Variants in AMZ2 observed in about 807,000 individuals in gnomAD.
AMZ2 encodes archaemetzincin-2.
In AMZ2, 26 loss-of-function variants were observed where a neutral mutation model predicts 36.7. That is an observed-to-expected ratio of 0.71 (90% confidence interval 0.52 to 0.98). AMZ2 has a LOEUF of 0.98. Ranked by LOEUF, AMZ2 falls within the 50% of genes least tolerant of loss-of-function variation. The pLI, the probability that AMZ2 is intolerant of heterozygous loss-of-function variation, is 0.00. For missense variants in AMZ2, 394 were observed against 430.5 expected, an observed-to-expected ratio of 0.92 and a Z score of 0.75; for synonymous variants, 144 against 149.1, an observed-to-expected ratio of 0.97 and a Z score of 0.25.
chr17:68,227,580 C>T (rs9914852), intron 1 of AMZ2, among the ~76,000 whole-genome samples: 53,998 of 152,044 alleles, frequency 0.36, 10,704 homozygotes, highest in African/African-American at 0.54. Flanking sequence ...GGTGGCCAGC[C>T]GCATTCCTTG....
rs1416310587 is a variant in AMZ2 at position 68,248,126 on chromosome 17, G to C, written c.-580G>C. 4.1e-6 allele frequency: 4 copies of C among 986,414 alleles called. No homozygotes were observed. Among genetic ancestry groups the C allele is most frequent in the African/African-American group, 3.5e-5 (2 of 57,268 alleles). 61.1% of individuals were successfully genotyped at this position (986,414 alleles called of 1,614,324 possible). On this transcript the variant is annotated 5_prime_UTR_variant, in exon 1 of 7. Transcript: ENST00000359904. ...GGCCTGTCGGGTCAGGGCGGTTCGC[G>C]GGTGCTGTCAGAGCTGGGCCGGGGC...
intron 1 of AMZ2, among the ~76,000 whole-genome samples, chr17:68,233,591 C>T (rs782362804): frequency 1.3e-5 from 2 of 151,988 alleles, no homozygotes; most frequent in Non-Finnish European, 2.9e-5. Context: ...CCTATGTCCC[C>T]AGCCCTCTGA....
rs140823866 is a variant in AMZ2 at position 68,249,229 on chromosome 17, G to C, written c.-1+524G>C. On this transcript the variant is annotated intron_variant, in intron 1 of 6. Coordinates refer to ENST00000359904, the MANE Select transcript of AMZ2 (RefSeq NM_016627.5). ...TGCAGAAATGATAGGGCTTACATTAGTTTTGTTTTTATTTGATGTTGAAGA... is the reference window on the plus strand; with the variant it reads ...TGCAGAAATGATAGGGCTTACATTACTTTTGTTTTTATTTGATGTTGAAGA... 1.1e-3 allele frequency: 502 copies of C among 477,852 alleles called. 2 individuals carry two copies. Among genetic ancestry groups the C allele is most frequent in the Non-Finnish European group, 1.4e-3 (458 of 332,818 alleles). 29.6% of individuals were successfully genotyped at this position (477,852 alleles called of 1,614,324 possible).
At chr17:68,247,989 AGCGGC>A (rs1298862073), upstream of AMZ2, 15 of 985,564 alleles carry the variant, frequency 1.5e-5, no homozygotes, top group African/African-American at 2.3e-4. Context: ...TGCGCGACGC[AGCGGC>A]GCGGCGCGTG....
At chr17:68,237,865 C>T (rs1237116254) in intron 1 of AMZ2, among the ~76,000 whole-genome samples, 1 of 152,148 alleles carries the variant, frequency 6.6e-6, no homozygotes, top group Non-Finnish European at 1.5e-5. Context: ...TTCTGGGCAG[C>T]GGCTGTTCCC....
At position 68,254,569 on chromosome 17, in the gene AMZ2, TA is replaced by T; in HGVS notation, c.750+4del. Reference sequence around the variant, plus strand: ...GTTTTACTACTTCGATCCTGTAAGGTAAGTTATTACAAAAATCTGACAGGAC... The same window carrying T: ...GTTTTACTACTTCGATCCTGTAAGGTAGTTATTACAAAAATCTGACAGGAC... On this transcript the variant is annotated splice_donor_region_variant and intron_variant, in intron 5 of 6. Transcript: ENST00000359904. The T allele has an allele frequency of 6.2e-7, 1 of 1,607,162 alleles. No homozygotes were observed. Among genetic ancestry groups the T allele is most frequent in the Non-Finnish European group, 8.5e-7 (1 of 1,175,890 alleles).
chr17:68,220,791 T>TTTTTG (rs1555728281), intron 1 of AMZ2, among the ~76,000 whole-genome samples: 1 of 150,316 alleles, frequency 6.7e-6, no homozygotes, highest in Non-Finnish European at 1.5e-5. Context: ...TCTTTTTTTT[T>TTTTTG]TTTTTTTGAG....
chr17:68,212,739 C>T (rs7214624), intron 1 of AMZ2, among the ~76,000 whole-genome samples: 78,283 of 151,512 alleles, frequency 0.52, 22,760 homozygotes, highest in African/African-American at 0.79. Context: ...TGGCTAATGT[C>T]TTTTGTTTGT....
chr17:68,209,956 A>T (rs147638541), intron 1 of AMZ2, among the ~76,000 whole-genome samples: 3 of 152,124 alleles, frequency 2.0e-5, no homozygotes, highest in Non-Finnish European at 4.4e-5. Context: ...TTAAAATATT[A>T]TAAAATTAAA....
At chr17:68,231,487 C>G (rs1555731238) in intron 1 of AMZ2, among the ~76,000 whole-genome samples, 1 of 100,146 alleles carries the variant, frequency 1.0e-5, no homozygotes. Flanking sequence ...AAAAAGAAGT[C>G]CTGCTTCAAC....
rs2074249528 is a variant in AMZ2 at position 68,249,149 on chromosome 17, T to C, written c.-1+444T>C. 7 of 1,139,294 alleles carry C rather than the reference T, an allele frequency of 6.1e-6. No homozygotes were observed. The South Asian group carries it at 2.6e-4, about 42-fold the overall frequency. 70.6% of individuals were successfully genotyped at this position (1,139,294 alleles called of 1,614,324 possible). Reference sequence around the variant, plus strand: ...GATGTCTTCCCTAATGTGACATGACTTTGAGGCCATAAACTTCAGTGGCTA... The same window carrying C: ...GATGTCTTCCCTAATGTGACATGACCTTGAGGCCATAAACTTCAGTGGCTA... On this transcript the variant is annotated intron_variant, in intron 1 of 6. Transcript: ENST00000359904.
chr17:68,232,120 T>TAAA (rs34203351), intron 1 of AMZ2, among the ~76,000 whole-genome samples: 11,416 of 99,974 alleles, frequency 0.11, 696 homozygotes, highest in East Asian at 0.26. Flanking sequence ...CTGAAGTTTG[T>TAAA]AAAAAAAAAA....
At chr17:68,220,923 C>T (rs2144540818) in intron 1 of AMZ2, among the ~76,000 whole-genome samples, 1 of 151,782 alleles carries the variant, frequency 6.6e-6, no homozygotes, top group East Asian at 1.9e-4. Flanking sequence ...GCTGGGATTA[C>T]AGGTGCATGC....
At chr17:68,239,142 G>C (rs1453682986) in intron 1 of AMZ2, among the ~76,000 whole-genome samples, 3 of 152,196 alleles carry the variant, frequency 2.0e-5, no homozygotes, top group Non-Finnish European at 4.4e-5. Flanking sequence ...GTGCAGGAGG[G>C]AGAAAACAGG....
chr17:68,256,737 A>G, intron 6 of AMZ2, 77 bp from the exon 7 acceptor site: 2 of 1,486,366 alleles, frequency 1.3e-6, no homozygotes, highest in Non-Finnish European at 1.8e-6. Context: ...CCTATGATCT[A>G]GAAGCCAATG....
chr17:68,243,053 A>C (rs1446262173), upstream of AMZ2, among the ~76,000 whole-genome samples: 3 of 151,942 alleles, frequency 2.0e-5, no homozygotes, highest in Non-Finnish European at 4.4e-5. Flanking sequence ...CAAAAAAAAA[A>C]AAAAAAAAAT....
intron 1 of AMZ2, among the ~76,000 whole-genome samples, chr17:68,209,689 C>T (rs1243215153): frequency 5.4e-5 from 7 of 130,650 alleles, no homozygotes; most frequent in African/African-American, 2.1e-4. Context: ...TGACGTGATT[C>T]TGACTCATGG....
At chr17:68,232,929 T>C (rs1555731621) in intron 1 of AMZ2, among the ~76,000 whole-genome samples, 2 of 152,218 alleles carry the variant, frequency 1.3e-5, no homozygotes, top group Non-Finnish European at 2.9e-5. Context: ...ATTGTGGAGA[T>C]GCACTTGCCA....
intron 1 of AMZ2, among the ~76,000 whole-genome samples, chr17:68,234,461 A>G (rs2073739920): frequency 6.6e-6 from 1 of 151,750 alleles, no homozygotes; most frequent in East Asian, 2.0e-4. Context: ...TTATTTTAAT[A>G]AAAACATGTA....
Sources: gnomAD v4.1 joint callset for allele counts (sites outside exome capture counted in the v4.1 genomes callset) on GRCh38, gnomAD v4.1.1 for gene constraint, MANE v1.5 for transcripts, NCBI Gene and HGNC (gene_info 2026-07-23, HGNC 2026-07-21) for gene names.